C3orf62: variants seen among roughly 807,000 people sequenced by gnomAD.
The protein encoded by C3orf62 is uncharacterized protein C3orf62.
Under a neutral mutation model 21.7 loss-of-function variants are expected in C3orf62, and 16 were observed. The ratio of observed to expected loss-of-function variants is 0.74; its 90% CI spans 0.50 to 1.12. The LOEUF (loss-of-function observed/expected upper bound fraction) is 1.12. C3orf62 is among the 50% of genes most tolerant of loss of function. C3orf62 has a pLI of 0.00. For missense variants in C3orf62, 310 were observed against 318.8 expected (o/e 0.97, Z 0.21); for synonymous variants, 114 against 117.0 (o/e 0.97, Z 0.17).
intron 1 of C3orf62, among the ~76,000 whole-genome samples, chr3:49,275,028 CA>C (rs1257313149): frequency 6.6e-6 from 1 of 151,758 alleles, no homozygotes; most frequent in Non-Finnish European, 1.5e-5. Flanking sequence ...CCATGTTGGC[CA>C]GGCTGGTCTC....
chr3:49,276,815 ATCT>A lies in C3orf62; in HGVS notation c.55_57del (p.Arg19del), dbSNP rs751827513. 2.5e-6 allele frequency: 4 copies of A among 1,613,910 alleles called. No individual in the cohort carries two copies. The highest frequency in any genetic ancestry group is 2.2e-5 in the East Asian group (1 of 44,884). ...ATGGCTGCAGTCAGTTCCTTTCTGC[ATCT>A]TCTTAGTTTTTCAGACATTTCTCCT... On this transcript the variant is annotated inframe_deletion, in exon 1 of 3. Transcript: ENST00000343010.
At position 49,271,394 on chromosome 3, in the gene C3orf62, T is replaced by A. The variant is rs1223566565; in HGVS notation, c.590A>T (p.Glu197Val). The change falls in exon 3 of 3, where the codon GAA becomes GTA. Residue 197 changes from glutamate (E) to valine (V), a missense_variant. By Grantham distance (121) the Glu-to-Val change is moderately radical (BLOSUM62 -2). Transcript: ENST00000343010. ...ACCACACATGTGGTTCAATTCGTTT[T>A]CAAATTCTATTTTTCCAGCCAATTC... is the stretch of plus-strand genomic sequence containing the variant. ...IEELAGKIEF[E>V]NELNHMCGHC... 4 of 1,614,124 alleles carry A rather than the reference T, an allele frequency of 2.5e-6. No homozygotes were observed. The highest frequency in any genetic ancestry group is 1.3e-5 in the African/African-American group (1 of 74,936).
chr3:49,276,351 C>A, intron 1 of C3orf62, 76 bp downstream of exon 1: 1 of 1,449,906 alleles, frequency 6.9e-7, no homozygotes, highest in Non-Finnish European at 9.4e-7. Flanking sequence ...TGAACTAAAT[C>A]TAGGATCTTC....
chr3:49,275,046 C>T (rs1032663188), intron 1 of C3orf62, among the ~76,000 whole-genome samples: 4 of 151,904 alleles, frequency 2.6e-5, no homozygotes, highest in Non-Finnish European at 5.9e-5. Context: ...TCTCAAACTC[C>T]TGACCTCAGG....
Position 49,271,123 on chromosome 3 carries a change from T to C in C3orf62, c.*57A>G. ...CCCTGACGGCCATTGTAGCTGCTTC[T>C]GCTCAGGCTCAAGGGCAGCCTCCTG... On this transcript the variant is annotated 3_prime_UTR_variant, in exon 3 of 3. Transcript: ENST00000343010. 1 of 1,550,236 alleles carries C rather than the reference T, an allele frequency of 6.5e-7. No individual in the cohort carries two copies. Among genetic ancestry groups the C allele is most frequent in the Non-Finnish European group, 8.7e-7 (1 of 1,142,900 alleles).
intron 1 of C3orf62, among the ~76,000 whole-genome samples, chr3:49,275,562 G>C (rs1480448394): frequency 2.9e-5 from 3 of 104,238 alleles, no homozygotes; most frequent in African/African-American, 3.8e-5. Flanking sequence ...ACGGAGTCTC[G>C]CTCTGTCGCC....
Position 49,271,384 on chromosome 3 carries a change from C to A in C3orf62, c.600G>T (p.Leu200Phe). 6.2e-7 allele frequency: 1 copy of A among 1,614,160 alleles called. No individual in the cohort carries two copies. The highest frequency in any genetic ancestry group is 8.5e-7 in the Non-Finnish European group (1 of 1,180,022). Residue 200 changes from leucine to phenylalanine, a missense_variant, in exon 3 of 3, where the codon TTG becomes TTT. Transcript: ENST00000343010. ...CTTGGCAATGACCACACATGTGGTT[C>A]AATTCGTTTTCAAATTCTATTTTTC... Reference protein sequence around the residue: ...LAGKIEFENELNHMCGHCQDS... With the variant: ...LAGKIEFENEFNHMCGHCQDS...
chr3:49,276,568 G>A lies in C3orf62; in HGVS notation c.305C>T (p.Ala102Val), dbSNP rs1162143041. The A allele has an allele frequency of 4.3e-6, 7 of 1,614,090 alleles. No individual in the cohort carries two copies. The East Asian group carries it at 8.9e-5, about 21-fold the overall frequency. The change falls in exon 1 of 3, where the codon GCA becomes GTA. Residue 102 changes from alanine (A) to valine (V), a missense_variant. Coordinates refer to ENST00000343010, the MANE Select transcript of C3orf62 (RefSeq NM_198562.3). ...CTCGGGGCACAGAGCATGTGGTTTT[G>A]CATTTACCGGGGCATGGTTTGTTGC... ...AFATNHAPVN[A>V]KPHALCPERK...
intron 2 of C3orf62, among the ~76,000 whole-genome samples, chr3:49,272,409 A>C (rs939620627): frequency 6.6e-6 from 1 of 152,058 alleles, no homozygotes; most frequent in African/African-American, 2.4e-5. Context: ...CATACAGGAC[A>C]TTCAGATTTG....
At chr3:49,274,285 T>C (rs1489451717) in intron 1 of C3orf62, 145 bp from the exon 2 acceptor site, 6 of 627,864 alleles carry the variant, frequency 9.6e-6, no homozygotes, top group African/African-American at 3.7e-5. Flanking sequence ...TAAAGGACAA[T>C]TGGAAACTGC....
rs754782496 is a variant in C3orf62 at position 49,269,388 on chromosome 3, T to C, written c.*1792A>G. 2.6e-5 allele frequency: 4 copies of C among 152,192 alleles called. No homozygotes were observed. The highest frequency in any genetic ancestry group is 5.9e-5 in the Non-Finnish European group (4 of 68,020). The allele number at this position is 152,192 out of a possible 1,614,324, so 9.4% of individuals were successfully genotyped here. A position where few individuals can be genotyped will look rare whatever the true frequency, so the allele number is the denominator to read the frequency against. On this transcript the variant is annotated 3_prime_UTR_variant, in exon 3 of 3. Transcript: ENST00000343010. ...CAGGAATTAAGCTCCACCTCGTCTA[T>C]AGAAGAGTGTCCACATCCACATGTA...
chr3:49,276,925 C>T lies in C3orf62; in HGVS notation c.-53G>A, dbSNP rs539845869. 6.4e-7 allele frequency: 1 copy of T among 1,557,192 alleles called. No homozygotes were observed. The highest frequency in any genetic ancestry group is 1.9e-5 in the Admixed American group (1 of 53,030). On this transcript the variant is annotated 5_prime_UTR_variant, in exon 1 of 3. Coordinates refer to ENST00000343010, the MANE Select transcript of C3orf62 (RefSeq NM_198562.3). Reference sequence around the variant, plus strand: ...GTTACAAATGAGGCTGCAAACTACCCCTGAATGGCCACGATTTCCTGGAGC... The same window carrying T: ...GTTACAAATGAGGCTGCAAACTACCTCTGAATGGCCACGATTTCCTGGAGC...
Position 49,271,233 on chromosome 3 carries a change from C to T in C3orf62, c.751G>A (p.Asp251Asn), listed in dbSNP as rs1488402684. ...ATCACATTGTAGTCCTCTTCCAAGT[C>T]CAGAACAGTCTCAACAATATTATGA... is the stretch of plus-strand genomic sequence containing the variant. ...DDHNIVETVL[D>N]LEEDYNVMTS... The change falls in exon 3 of 3, where the codon GAC becomes AAC. Residue 251 changes from aspartate to asparagine, a missense_variant. Asp to Asn is a conservative substitution (Grantham distance 23, BLOSUM62 1). Transcript: ENST00000343010. 1.2e-6 allele frequency: 2 copies of T among 1,614,058 alleles called. No individual in the cohort carries two copies. The highest frequency in any genetic ancestry group is 1.7e-6 in the Non-Finnish European group (2 of 1,180,014).
intron 2 of C3orf62, among the ~76,000 whole-genome samples, chr3:49,272,783 C>T (rs1055003975): frequency 2.0e-5 from 3 of 151,810 alleles, no homozygotes; most frequent in African/African-American, 7.3e-5. Flanking sequence ...GAACTCCTGA[C>T]CTCAAGTGAT....
chr3:49,274,163 A>G (rs1285201145), intron 1 of C3orf62, 23 bp from the exon 2 acceptor site: 3 of 1,558,636 alleles, frequency 1.9e-6, no homozygotes, highest in Non-Finnish European at 1.8e-6. Flanking sequence ...GGTGGGGGGG[A>G]AGAAAAGGTG....
intron 2 of C3orf62, among the ~76,000 whole-genome samples, chr3:49,272,534 C>CT (rs746086446): frequency 0.077 from 3,983 of 51,802 alleles, 1,582 homozygotes; most frequent in East Asian, 0.65. Flanking sequence ...TTCTCCTAAT[C>CT]TTTTTTTTTT....
chr3:49,272,061 G>T (rs939317452), intron 2 of C3orf62, among the ~76,000 whole-genome samples: 1 of 152,140 alleles, frequency 6.6e-6, no homozygotes, highest in African/African-American at 2.4e-5. Flanking sequence ...AGGCTGGCAG[G>T]GATTTTACTT....
intron 2 of C3orf62, among the ~76,000 whole-genome samples, chr3:49,271,911 AAAAAAAAAAAAAAC>A (rs1461968875): frequency 0.036 from 1,164 of 32,234 alleles, 14 homozygotes; most frequent in African/African-American, 0.14. Context: ...GCCCTGTCTC[AAAAAAAAAAAAAAC>A]AAAAAAAAAA....
chr3:49,269,423 A>G lies in C3orf62; in HGVS notation c.*1757T>C, dbSNP rs1037267566. ...TCCACATCCACATGTATTATTTGGA[A>G]GGCACTGTTTTGAGACCTGTTTTTC... On this transcript the variant is annotated 3_prime_UTR_variant, in exon 3 of 3. Coordinates refer to ENST00000343010, the MANE Select transcript of C3orf62 (RefSeq NM_198562.3). 12 of 152,304 alleles carry G rather than the reference A, an allele frequency of 7.9e-5. No individual in the cohort carries two copies. Among genetic ancestry groups the G allele is most frequent in the African/African-American group, 2.9e-4 (12 of 41,572 alleles). The allele number at this position is 152,304 out of a possible 1,614,324, so 9.4% of individuals were successfully genotyped here. A position where few individuals can be genotyped will look rare whatever the true frequency, so the allele number is the denominator to read the frequency against.
Sources: gnomAD v4.1 joint callset for allele counts (sites outside exome capture counted in the v4.1 genomes callset) on GRCh38, gnomAD v4.1.1 for gene constraint, MANE v1.5 for transcripts, NCBI Gene and HGNC (gene_info 2026-07-23, HGNC 2026-07-21) for gene names.